Variants in IMMP2L observed in about 807,000 individuals in gnomAD.
IMMP2L encodes the protein inner mitochondrial membrane peptidase subunit 2.
In IMMP2L, 18 loss-of-function variants were observed where a neutral mutation model predicts 19.3. The observed-to-expected ratio is 0.93, with a 90% CI of 0.64 to 1.38. IMMP2L has a LOEUF of 1.38. Ranked by LOEUF, IMMP2L falls within the 40% of genes most tolerant of loss-of-function variation. IMMP2L has a pLI of 0.00. For missense variants in IMMP2L, 233 were observed against 218.2 expected, an observed-to-expected ratio of 1.07 and a Z score of -0.43; for synonymous variants, 76 against 73.0, an observed-to-expected ratio of 1.04 and a Z score of -0.21.
chr7:111,092,711 T>C (rs1437111064), intron 3 of IMMP2L, among the ~76,000 whole-genome samples: 1 of 152,142 alleles, frequency 6.6e-6, no homozygotes, highest in Non-Finnish European at 1.5e-5. Flanking sequence ...TTACTTCCAA[T>C]CTTGTAAAGG....
chr7:111,553,109 C>T (rs1227258032), intron 1 of IMMP2L, among the ~76,000 whole-genome samples: 1 of 152,116 alleles, frequency 6.6e-6, no homozygotes, highest in Non-Finnish European at 1.5e-5. Context: ...CATGAGATAA[C>T]AAACAATCAT....
intron 1 of IMMP2L, among the ~76,000 whole-genome samples, chr7:111,525,923 C>G (rs1167707326): frequency 6.6e-6 from 1 of 152,024 alleles, no homozygotes; most frequent in Non-Finnish European, 1.5e-5. Flanking sequence ...TGAAGCATGA[C>G]AGCATGAAGC....
chr7:111,381,976 G>A lies in IMMP2L; in HGVS notation c.239+105262C>T, dbSNP rs185954238. On this transcript the variant is annotated intron_variant, in intron 3 of 5. Coordinates refer to ENST00000405709, the MANE Select transcript of IMMP2L (RefSeq NM_032549.4). ...ATCAAATGTATCAAGTATGAAGTGTGTGTAGGTTATTTAAGTGGAAATGTC... is the reference window on the plus strand; with the variant it reads ...ATCAAATGTATCAAGTATGAAGTGTATGTAGGTTATTTAAGTGGAAATGTC... Among the ~76,000 whole-genome samples, 8 of 152,058 alleles carry A rather than the reference G, an allele frequency of 5.3e-5. 1 individual carries two copies. The highest frequency in any genetic ancestry group is 1.7e-4 in the African/African-American group (7 of 41,440).
intron 5 of IMMP2L, among the ~76,000 whole-genome samples, chr7:110,696,858 T>TA (rs1481926274): frequency 6.6e-6 from 1 of 152,090 alleles, no homozygotes; most frequent in East Asian, 1.9e-4. Flanking sequence ...TGTCATTAGT[T>TA]AAAAAAAGTA....
intron 1 of IMMP2L, among the ~76,000 whole-genome samples, chr7:111,534,053 C>T (rs779999600): frequency 6.6e-6 from 1 of 151,872 alleles, no homozygotes; most frequent in African/African-American, 2.4e-5. Context: ...TACAAACACA[C>T]TAATAATAAA....
chr7:110,808,554 G>C (rs999308731), intron 5 of IMMP2L, among the ~76,000 whole-genome samples: 21 of 152,064 alleles, frequency 1.4e-4, no homozygotes, highest in African/African-American at 5.1e-4. Context: ...GCTGTGCACA[G>C]GGGGCATTTG....
At chr7:110,675,232 T>A (rs767454959) in intron 5 of IMMP2L, among the ~76,000 whole-genome samples, 12 of 152,124 alleles carry the variant, frequency 7.9e-5, no homozygotes, top group Non-Finnish European at 1.3e-4. Context: ...GGTGACCCCT[T>A]TTGGACCATA....
At chr7:111,364,767 T>C (rs147604943) in intron 3 of IMMP2L, among the ~76,000 whole-genome samples, 5,111 of 151,672 alleles carry the variant, frequency 0.034, 110 homozygotes, top group Middle Eastern at 0.041. Context: ...GGTCAGGAGA[T>C]CAAGAACAGC....
At chr7:110,927,730 A>C (rs1327626837) in intron 4 of IMMP2L, among the ~76,000 whole-genome samples, 1 of 152,160 alleles carries the variant, frequency 6.6e-6, no homozygotes, top group African/African-American at 2.4e-5. Flanking sequence ...GATAATGTCT[A>C]TGCTGGACTT....
intron 4 of IMMP2L, among the ~76,000 whole-genome samples, chr7:110,907,747 T>G (rs1812621747): frequency 6.6e-6 from 1 of 152,156 alleles, no homozygotes; most frequent in African/African-American, 2.4e-5. Flanking sequence ...TAGTAAAAAT[T>G]TTATATTCAT....
chr7:111,008,853 A>C (rs1824597575), intron 3 of IMMP2L, among the ~76,000 whole-genome samples: 1 of 152,090 alleles, frequency 6.6e-6, no homozygotes, highest in Non-Finnish European at 1.5e-5. Context: ...CTTGAGTTAT[A>C]AAGAATGAAT....
intron 5 of IMMP2L, among the ~76,000 whole-genome samples, chr7:110,742,671 G>A (rs1797060240): frequency 2.0e-5 from 3 of 151,386 alleles, no homozygotes; most frequent in Admixed American, 2.0e-4. Context: ...AGGAGGCTGA[G>A]GCAGAGGAAT....
intron 5 of IMMP2L, among the ~76,000 whole-genome samples, chr7:110,771,352 G>C (rs1336036439): frequency 6.6e-6 from 1 of 152,050 alleles, no homozygotes; most frequent in African/African-American, 2.4e-5. Context: ...AAAGCTTTGA[G>C]ACATAATGAG....
intron 5 of IMMP2L, among the ~76,000 whole-genome samples, chr7:110,847,462 TA>T (rs1374809776): frequency 3.9e-5 from 6 of 152,142 alleles, no homozygotes; most frequent in Non-Finnish European, 7.4e-5. Flanking sequence ...AAGTGAAAAG[TA>T]AAATAGCATT....
chr7:111,111,942 GT>G (rs748410980), intron 3 of IMMP2L, among the ~76,000 whole-genome samples: 3,201 of 84,084 alleles, frequency 0.038, 7 homozygotes, highest in African/African-American at 0.064. Context: ...TATATAGTTT[GT>G]TTTTTTTTTT....
intron 3 of IMMP2L, among the ~76,000 whole-genome samples, chr7:110,996,879 G>A (rs1034691801): frequency 2.6e-5 from 4 of 152,020 alleles, no homozygotes; most frequent in African/African-American, 4.8e-5. Context: ...TTTACATGCA[G>A]TTAGTTGTGA....
At chr7:110,750,155 T>A (rs1234500194) in intron 5 of IMMP2L, among the ~76,000 whole-genome samples, 5 of 152,122 alleles carry the variant, frequency 3.3e-5, no homozygotes, top group African/African-American at 7.2e-5. Flanking sequence ...GGAATTTTTT[T>A]AAACTTCTAC....
At chr7:111,218,023 G>C (rs947309564) in intron 3 of IMMP2L, among the ~76,000 whole-genome samples, 1 of 151,896 alleles carries the variant, frequency 6.6e-6, no homozygotes, top group Non-Finnish European at 1.5e-5. Flanking sequence ...TTGCCTTTTT[G>C]TGCTTTCATA....
intron 3 of IMMP2L, among the ~76,000 whole-genome samples, chr7:110,964,257 A>G (rs1417760796): frequency 6.6e-6 from 1 of 152,058 alleles, no homozygotes; most frequent in East Asian, 1.9e-4. Flanking sequence ...CTTAGAGGAA[A>G]GAGGATTAGT....
Sources: allele counts gnomAD v4.1 joint callset (sites outside exome capture counted in the v4.1 genomes callset), GRCh38; gene constraint gnomAD v4.1.1; transcripts MANE v1.5; gene names NCBI Gene and HGNC (gene_info 2026-07-23, HGNC 2026-07-21).